Variants in PDE7A observed in about 807,000 individuals in gnomAD.
PDE7A encodes the protein phosphodiesterase 7A.
Under a neutral mutation model 64.3 loss-of-function variants are expected in PDE7A, and 39 were observed. The observed-to-expected ratio is 0.61, with a 90% CI of 0.47 to 0.79. PDE7A has a LOEUF of 0.79. PDE7A is among the 30% of genes least tolerant of loss of function. The pLI is 0.00. For synonymous variants in PDE7A, 203 were observed against 206.8 expected (o/e 0.98, Z 0.16); for missense variants, 470 against 582.8 (o/e 0.81, Z 1.99).
intron 7 of PDE7A, among the ~76,000 whole-genome samples, chr8:65,733,652 T>C (rs1476699931): frequency 6.6e-6 from 1 of 152,006 alleles, no homozygotes; most frequent in African/African-American, 2.4e-5. Flanking sequence ...TGGTTGGGAG[T>C]ATACATTTGT....
At chr8:65,780,643 C>G (rs1809388622) in intron 2 of PDE7A, among the ~76,000 whole-genome samples, 1 of 152,186 alleles carries the variant, frequency 6.6e-6, no homozygotes, top group Non-Finnish European at 1.5e-5. Flanking sequence ...AAAAACTTGA[C>G]TTTGAGAAGT....
intron 1 of PDE7A, among the ~76,000 whole-genome samples, chr8:65,817,902 G>A (rs900217924): frequency 1.3e-5 from 2 of 151,958 alleles, no homozygotes; most frequent in East Asian, 1.9e-4. Context: ...ACAGGCGCCT[G>A]CCACTGCGCC....
chr8:65,797,388 G>C (rs80045702), intron 1 of PDE7A, among the ~76,000 whole-genome samples: 82 of 152,306 alleles, frequency 5.4e-4, no homozygotes, highest in African/African-American at 1.9e-3. Context: ...TGTGAAGATA[G>C]AGGCAGAGAT....
At chr8:65,726,332 T>C (rs1334177064) in intron 9 of PDE7A, among the ~76,000 whole-genome samples, 2 of 151,922 alleles carry the variant, frequency 1.3e-5, no homozygotes, top group Non-Finnish European at 2.9e-5. Context: ...GCCCATTTAT[T>C]TTTTTTTCCT....
chr8:65,839,210 AAT>A (rs1391345572), intron 1 of PDE7A, among the ~76,000 whole-genome samples: 1 of 140,324 alleles, frequency 7.1e-6, no homozygotes, highest in African/African-American at 3.1e-5. Flanking sequence ...TATTTTACTT[AAT>A]GTCTTTTTTT....
chr8:65,734,481 C>T (rs1024751462), intron 7 of PDE7A, among the ~76,000 whole-genome samples: 1 of 152,182 alleles, frequency 6.6e-6, no homozygotes, highest in East Asian at 1.9e-4. Context: ...CATTCATTCA[C>T]TGAGTCAGAC....
intron 3 of PDE7A, among the ~76,000 whole-genome samples, chr8:65,771,607 G>A (rs1362198625): frequency 6.6e-6 from 1 of 152,140 alleles, no homozygotes; most frequent in African/African-American, 2.4e-5. Flanking sequence ...CTCACGCGGT[G>A]GCTCACGCAT....
rs1292648442 is a variant in PDE7A at position 65,714,888 on chromosome 8, A to G, written c.*4402T>C. On this transcript the variant is annotated 3_prime_UTR_variant, in exon 13 of 13. Coordinates refer to ENST00000401827, the MANE Select transcript of PDE7A (RefSeq NM_001242318.3). The stretch of plus-strand genomic sequence containing the variant: ...ACAAATATATTTGTTTGCAAAGGAC[A>G]TAAAATATGATTTTTACTTTTATAC... 5.4e-5 allele frequency: 8 copies of G among 148,856 alleles called. No homozygotes were observed. Among genetic ancestry groups the G allele is most frequent in the Non-Finnish European group, 1.0e-4 (7 of 68,032 alleles). 9.2% of individuals were successfully genotyped at this position (148,856 alleles called of 1,614,324 possible).
chr8:65,812,889 A>G (rs756969331), intron 1 of PDE7A, among the ~76,000 whole-genome samples: 5 of 152,274 alleles, frequency 3.3e-5, no homozygotes, highest in Non-Finnish European at 7.4e-5. Flanking sequence ...GGAGATAACG[A>G]GAAAGAAACA....
At chr8:65,794,906 T>C (rs981465925) in intron 1 of PDE7A, among the ~76,000 whole-genome samples, 10 of 152,106 alleles carry the variant, frequency 6.6e-5, no homozygotes, top group African/African-American at 2.4e-4. Context: ...TTTGTTAACA[T>C]CAAAGAAGAC....
chr8:65,739,649 T>C (rs758879862), intron 5 of PDE7A, 52 bp from the exon 6 acceptor site: 29 of 1,392,128 alleles, frequency 2.1e-5, no homozygotes, highest in Non-Finnish European at 2.5e-5. Context: ...GTCAACACAA[T>C]TATATTATGC....
rs1330435525 is a variant in PDE7A at position 65,724,268 on chromosome 8, T to A, written c.1149A>T (p.Glu383Asp). ...SKQWSEKVTEEFFHQGDIEKK... is the reference protein window; with the variant it reads ...SKQWSEKVTEDFFHQGDIEKK... ...ACTGTAACTTGCCTTGATGGAAGAA[T>A]TCCTCCGTTACTTTTTCACTCCACT... The change falls in exon 11 of 13, where the codon GAA (glutamate) becomes GAT (aspartate). Residue 383 changes from glutamate (E) to aspartate (D), a missense_variant. Glu to Asp is a conservative substitution (Grantham distance 45). Transcript: ENST00000401827. 2 of 1,609,032 alleles carry A rather than the reference T, an allele frequency of 1.2e-6. No homozygotes were observed. The highest frequency in any genetic ancestry group is 1.7e-6 in the Non-Finnish European group (2 of 1,175,728).
At chr8:65,836,577 T>C (rs900783414) in intron 1 of PDE7A, among the ~76,000 whole-genome samples, 2 of 152,204 alleles carry the variant, frequency 1.3e-5, no homozygotes, top group African/African-American at 2.4e-5. Context: ...CATGAAGGTA[T>C]TTATTAAATG....
At chr8:65,722,075 C>T (rs1806402714) in intron 12 of PDE7A, 1 of 152,200 alleles carries the variant, frequency 6.6e-6, no homozygotes, top group South Asian at 2.1e-4. Flanking sequence ...CAAGTATGAG[C>T]TACCGCTCCT....
intron 1 of PDE7A, among the ~76,000 whole-genome samples, chr8:65,817,945 G>C (rs1212667910): frequency 1.3e-5 from 2 of 152,070 alleles, no homozygotes; most frequent in South Asian, 2.1e-4. Context: ...GTAGAGATGG[G>C]GTTTCACCGT....
chr8:65,756,119 G>A (rs1176047041), intron 3 of PDE7A, among the ~76,000 whole-genome samples: 1 of 152,182 alleles, frequency 6.6e-6, no homozygotes, highest in Non-Finnish European at 1.5e-5. Flanking sequence ...GGTTCTTAAT[G>A]AGAAATCAGC....
At chr8:65,824,069 A>AT (rs919865836) in intron 1 of PDE7A, among the ~76,000 whole-genome samples, 22 of 152,134 alleles carry the variant, frequency 1.4e-4, no homozygotes, top group African/African-American at 3.1e-4. Flanking sequence ...CAGACACTGC[A>AT]TTTTTTTTAC....
intron 3 of PDE7A, among the ~76,000 whole-genome samples, chr8:65,753,378 T>G (rs2128909577): frequency 6.6e-6 from 1 of 152,290 alleles, no homozygotes; most frequent in Non-Finnish European, 1.5e-5. Context: ...AACTGCTTCT[T>G]AGGATCATGC....
chr8:65,739,458 A>G (rs1411231076), intron 6 of PDE7A, 44 bp downstream of exon 6: 2 of 1,508,516 alleles, frequency 1.3e-6, no homozygotes, highest in South Asian at 1.4e-5. Context: ...AGGTTCTTGT[A>G]TAAATGTAAA....
Sources: allele counts gnomAD v4.1 joint callset (sites outside exome capture counted in the v4.1 genomes callset), GRCh38; gene constraint gnomAD v4.1.1; transcripts MANE v1.5; gene names NCBI Gene and HGNC (gene_info 2026-07-23, HGNC 2026-07-21).